Variants in PNMA8B observed in about 807,000 individuals in gnomAD.
PNMA8B encodes paraneoplastic antigen-like protein 8B.
For missense variants in PNMA8B, 887 were observed against 885.8 expected (o/e 1.00, Z -0.02); for synonymous variants, 386 against 394.9 (o/e 0.98, Z 0.27).
Position 46,494,048 on chromosome 19 carries a change from T to G in PNMA8B, c.1418A>C (p.Glu473Ala), listed in dbSNP as rs199560010. Reference protein sequence around the residue: ...VMKEEKENAWEGGKYKYPKGK... With the variant: ...VMKEEKENAWAGGKYKYPKGK... ...TTTGGGGTATTTGTACTTCCCGCCT[T>G]CCCAGGCGTTTTCTTTTTCCTCCTT... The change falls in exon 1 of 1, where the codon GAA (glutamate) becomes GCA (alanine). Residue 473 changes from glutamate to alanine, a missense_variant. Coordinates refer to ENST00000599531, the MANE Select transcript of PNMA8B (RefSeq NM_020709.3). The G allele has an allele frequency of 4.1e-4, 662 of 1,613,630 alleles. 5 individuals are homozygous for G. The South Asian group carries it at 6.0e-3, about 15-fold the overall frequency.
In PNMA8B at chr19:46,493,460, T is replaced by C; in HGVS notation, c.*98A>G. On this transcript the variant is annotated 3_prime_UTR_variant, in exon 1 of 1. Coordinates refer to ENST00000599531, the MANE Select transcript of PNMA8B (RefSeq NM_020709.3). This position sits in a 1 kb window ranked among gnomAD's most constrained non-coding sequence, Gnocchi z 5.3. The stretch of plus-strand genomic sequence containing the variant: ...CGCTGTGAAGCGAGGAGATTGCGTC[T>C]GCGGAGGACAGGAAGAGGGGAGGGG... 19 of 711,784 alleles carry C rather than the reference T, an allele frequency of 2.7e-5. No individual in the cohort carries two copies. The highest frequency in any genetic ancestry group is 3.6e-5 in the Non-Finnish European group (19 of 533,032). The allele number at this position is 711,784 out of a possible 1,614,324, so 44.1% of individuals were successfully genotyped here.
Position 46,494,096 on chromosome 19 carries a change from G to A in PNMA8B, c.1370C>T (p.Ala457Val), listed in dbSNP as rs1434368613. 1.2e-6 allele frequency: 2 copies of A among 1,612,464 alleles called. No individual in the cohort carries two copies. The highest frequency in any genetic ancestry group is 1.7e-6 in the Non-Finnish European group (2 of 1,179,858). Residue 457 changes from alanine (A) to valine (V), a missense_variant, in exon 1 of 1, where the codon GCC (alanine) becomes GTC (valine). Ala to Val is a moderately conservative substitution (Grantham distance 64, BLOSUM62 0). Coordinates refer to ENST00000599531, the MANE Select transcript of PNMA8B (RefSeq NM_020709.3). The stretch of plus-strand genomic sequence containing the variant: ...CTTCATCACCTCCGCCATGTCCTGG[G>A]CAGCCAGGAGCGCCACCAGCTCCAG... ...GLLELVALLAAQDMAEVMKEE... is the reference protein window; with the variant it reads ...GLLELVALLAVQDMAEVMKEE...
At position 46,494,852 on chromosome 19, in the gene PNMA8B, A is replaced by T; in HGVS notation, c.614T>A (p.Val205Glu). Residue 205 changes from valine to glutamate, a missense_variant, in exon 1 of 1, where the codon GTG (valine) becomes GAG (glutamate). Physicochemically the swap from Val to Glu is moderately radical, Grantham distance 121. Coordinates refer to ENST00000599531, the MANE Select transcript of PNMA8B (RefSeq NM_020709.3). ...EDSSDESLGIVIEEIDQGDLS... is the reference protein window; with the variant it reads ...EDSSDESLGIEIEEIDQGDLS... ...GTCGCCCTGGTCGATCTCCTCGATC[A>T]CGATGCCCAGGCTCTCGTCGGAAGA... The T allele has an allele frequency of 6.2e-7, 1 of 1,613,330 alleles. No homozygotes were observed. The highest frequency in any genetic ancestry group is 8.5e-7 in the Non-Finnish European group (1 of 1,179,890).
chr19:46,491,612 G>C lies in PNMA8B; in HGVS notation c.*1946C>G, dbSNP rs975851534. ...GGGCTTCGGAGCTGAGGCTGGAAGT[G>C]GGGAGGCATCAGGGGTGGGAGTGGA... On this transcript the variant is annotated 3_prime_UTR_variant, in exon 1 of 1. Transcript: ENST00000599531. 6.6e-6 allele frequency: 1 copy of C among 152,598 alleles called. No individual in the cohort carries two copies. The highest frequency in any genetic ancestry group is 1.5e-5 in the Non-Finnish European group (1 of 68,428). 9.5% of individuals were successfully genotyped at this position (152,598 alleles called of 1,614,324 possible). A position where few individuals can be genotyped will look rare whatever the true frequency, so the allele number is the denominator to read the frequency against.
rs1478130572 is a variant in PNMA8B, at chr19:46,493,609, C to A, written c.1857G>T (p.Ala619=). The change falls in exon 1 of 1, where the codon GCG becomes GCT. Residue 619 remains alanine (A), a synonymous_variant. Coordinates refer to ENST00000599531, the MANE Select transcript of PNMA8B (RefSeq NM_020709.3). The surrounding 1 kb of genome is among the most constrained non-coding windows in gnomAD (Gnocchi z 5.3). ...GGCCCCGACGGGCCTTCTTCCCGCGCGCGGCCTTGGATCCAGTGGGCGCCT... is the reference window on the plus strand; with the variant it reads ...GGCCCCGACGGGCCTTCTTCCCGCGAGCGGCCTTGGATCCAGTGGGCGCCT... ...KGQAPTGSKA[A]RGKKARRGRR... is the part of the protein sequence containing the mutation. 6.7e-7 allele frequency: 1 copy of A among 1,492,686 alleles called. No homozygotes were observed. The highest frequency in any genetic ancestry group is 8.8e-7 in the Non-Finnish European group (1 of 1,132,324). 92.5% of individuals were successfully genotyped at this position (1,492,686 alleles called of 1,614,324 possible).
rs748907590 is a variant in PNMA8B, at chr19:46,495,306, T to G, written c.160A>C (p.Met54Leu). 11 of 1,382,810 alleles carry G rather than the reference T, an allele frequency of 8.0e-6. No homozygotes were observed. Among genetic ancestry groups the G allele is most frequent in the African/African-American group, 2.8e-5 (2 of 70,470 alleles). The allele number at this position is 1,382,810 out of a possible 1,614,324, so 85.7% of individuals were successfully genotyped here. A position where few individuals can be genotyped will look rare whatever the true frequency, so the allele number is the denominator to read the frequency against. The change falls in exon 1 of 1, where the codon ATG (methionine) becomes CTG (leucine). Residue 54 changes from methionine to leucine, a missense_variant. Coordinates refer to ENST00000599531, the MANE Select transcript of PNMA8B (RefSeq NM_020709.3). The part of the protein sequence containing the change: ...LPLGTFRLRH[M>L]KALMNEKAQA... The stretch of plus-strand genomic sequence containing the variant: ...GCCTTCTCGTTCATCAAAGCCTTCA[T>G]GTGTCGCAACCTGAACGTGCCCAGG...
In PNMA8B at chr19:46,491,417, ATG is replaced by A. The variant is rs1970000816; in HGVS notation, c.*2139_*2140del. 6.6e-6 allele frequency: 1 copy of A among 152,306 alleles called. No homozygotes were observed. The highest frequency in any genetic ancestry group is 1.5e-5 in the Non-Finnish European group (1 of 68,270). 9.4% of individuals were successfully genotyped at this position (152,306 alleles called of 1,614,324 possible). On this transcript the variant is annotated 3_prime_UTR_variant, in exon 1 of 1. Coordinates refer to ENST00000599531, the MANE Select transcript of PNMA8B (RefSeq NM_020709.3). ...GCCATGTATGGTGGGGGGACACAGG[ATG>A]GAGGGAGGCAGAAAACTCAGGTAGG...
At position 46,494,548 on chromosome 19, in the gene PNMA8B, C is replaced by A. The variant is rs1435195802; in HGVS notation, c.918G>T (p.Pro306=). The A allele has an allele frequency of 1.2e-6, 2 of 1,614,074 alleles. No individual in the cohort carries two copies. Among genetic ancestry groups the A allele is most frequent in the Admixed American group, 3.3e-5 (2 of 60,032 alleles). The part of the protein sequence containing the change: ...LAVRDTPDEE[P]VDSDTSESDS... ...CGCTCTCCGAAGTGTCGCTGTCCAC[C>A]GGCTCCTCGTCCGGGGTGTCTCTCA... The change falls in exon 1 of 1, where the codon CCG becomes CCT. Residue 306 remains proline (P), a synonymous_variant. Coordinates refer to ENST00000599531, the MANE Select transcript of PNMA8B (RefSeq NM_020709.3).
rs1393408935 is a variant in PNMA8B, at chr19:46,494,285, C to G, written c.1181G>C (p.Gly394Ala). The G allele has an allele frequency of 1.2e-6, 2 of 1,611,430 alleles. No individual in the cohort carries two copies. The highest frequency in any genetic ancestry group is 2.2e-5 in the East Asian group (1 of 44,852). Residue 394 changes from glycine (G) to alanine (A), a missense_variant, in exon 1 of 1, where the codon GGC becomes GCC. By Grantham distance (60) the Gly-to-Ala change is moderately conservative (BLOSUM62 0). Transcript: ENST00000599531. ...CAGGACCACGGCGTCCACCTCGCGG[C>G]CCGCCTCTTCCACCTTCACGCGGGT... ...NGTRVKVEEA[G>A]REVDAVVLRK... is the part of the protein sequence containing the mutation.
chr19:46,494,418 TC>T lies in PNMA8B; in HGVS notation c.1047del (p.Met350CysfsTer2), dbSNP rs879469067. Reference protein sequence around the residue: ...TDPSDPWAREEMLKIASVIES... With the variant: ...TDPSDPWAREXMLKIASVIES... ...TCGATAACAGAAGCGATTTTCAACA[TC>T]TCCTCCCGGGCCCAGGGGTCCGACG... On this transcript the variant is annotated frameshift_variant, in exon 1 of 1. Coordinates refer to ENST00000599531, the MANE Select transcript of PNMA8B (RefSeq NM_020709.3). LOFTEE classifies it low-confidence loss of function (END_TRUNC). 6 of 1,613,674 alleles carry T rather than the reference TC, an allele frequency of 3.7e-6. No homozygotes were observed. Among genetic ancestry groups the T allele is most frequent in the Non-Finnish European group, 5.1e-6 (6 of 1,179,888 alleles).
Position 46,494,774 on chromosome 19 carries a change from G to A in PNMA8B, c.692C>T (p.Ala231Val), listed in dbSNP as rs146376571. The A allele has an allele frequency of 1.2e-6, 2 of 1,613,578 alleles. No homozygotes were observed. Among genetic ancestry groups the A allele is most frequent in the African/African-American group, 2.7e-5 (2 of 74,944 alleles). ...SALYATLQAA[A>V]RELVRQWAPC... ...CGCCCACTGCCTAACCAGCTCCCTGGCAGCGGCCTGCAGCGTGGCGTACAG... is the reference window on the plus strand; with the variant it reads ...CGCCCACTGCCTAACCAGCTCCCTGACAGCGGCCTGCAGCGTGGCGTACAG... The change falls in exon 1 of 1, where the codon GCC (alanine) becomes GTC (valine). Residue 231 changes from alanine (A) to valine (V), a missense_variant. By Grantham distance (64) the Ala-to-Val change is moderately conservative. Transcript: ENST00000599531.
At position 46,494,821 on chromosome 19, in the gene PNMA8B, G is replaced by A; in HGVS notation, c.645C>T (p.Ser215=). The change falls in exon 1 of 1, where the codon AGC becomes AGT. Residue 215 remains serine (S), a synonymous_variant. Transcript: ENST00000599531. The part of the protein sequence containing the change: ...VIEEIDQGDL[S]GEEDQSALYA... ...ACAGCGCGCTCTGGTCCTCTTCTCC[G>A]CTCAGGTCGCCCTGGTCGATCTCCT... 6.2e-7 allele frequency: 1 copy of A among 1,613,464 alleles called. No individual in the cohort carries two copies.
Position 46,493,687 on chromosome 19 carries a change from C to A in PNMA8B, c.1779G>T (p.Lys593Asn). ...GGGCCCCGGCGCCCGCGCTCCCCTT[C>A]TTCTTCCTGCTTCCTGCGGCGTCGT... Reference protein sequence around the residue: ...AQDDAAGSRKKKGSAGAGAHA... With the variant: ...AQDDAAGSRKNKGSAGAGAHA... Residue 593 changes from lysine to asparagine, a missense_variant, in exon 1 of 1, where the codon AAG (lysine) becomes AAT (asparagine). Transcript: ENST00000599531. This position sits in a 1 kb window ranked among gnomAD's most constrained non-coding sequence, Gnocchi z 5.3. 6.5e-7 allele frequency: 1 copy of A among 1,533,966 alleles called. No homozygotes were observed. The highest frequency in any genetic ancestry group is 1.9e-5 in the Admixed American group (1 of 52,904).
chr19:46,495,595 G>T lies in PNMA8B; in HGVS notation c.-130C>A. ...TTAGAGTCCCGGTTCCGGTGAATGT[G>T]GCAAGGCTGGAGTGGGGCTCGGGGC... On this transcript the variant is annotated 5_prime_UTR_variant, in exon 1 of 1. Coordinates refer to ENST00000599531, the MANE Select transcript of PNMA8B (RefSeq NM_020709.3). 7.9e-7 allele frequency: 1 copy of T among 1,270,232 alleles called. No homozygotes were observed. The highest frequency in any genetic ancestry group is 1.6e-5 in the South Asian group (1 of 62,002). The allele number at this position is 1,270,232 out of a possible 1,614,324, so 78.7% of individuals were successfully genotyped here.
Position 46,493,758 on chromosome 19 carries a change from C to A in PNMA8B, c.1708G>T (p.Gly570Cys). ...TRAGGRGRGR[G>C]VTPEKKAGSR... ...CCGGCTTTCTTCTCGGGAGTGACGC[C>A]CCGGCCTCGGCCTCGGCCGCCCGCG... Residue 570 changes from glycine (G) to cysteine (C), a missense_variant, in exon 1 of 1, where the codon GGC (glycine) becomes TGC (cysteine). Gly to Cys is a radical substitution (Grantham distance 159). Coordinates refer to ENST00000599531, the MANE Select transcript of PNMA8B (RefSeq NM_020709.3). This position sits in a 1 kb window ranked among gnomAD's most constrained non-coding sequence, Gnocchi z 5.3. 1.4e-6 allele frequency: 2 copies of A among 1,434,430 alleles called. No individual in the cohort carries two copies. Among genetic ancestry groups the A allele is most frequent in the Non-Finnish European group, 1.8e-6 (2 of 1,099,906 alleles). 88.9% of individuals were successfully genotyped at this position (1,434,430 alleles called of 1,614,324 possible).
Position 46,494,251 on chromosome 19 carries a change from G to T in PNMA8B, c.1215C>A (p.Ala405=). The change falls in exon 1 of 1, where the codon GCC becomes GCA. Residue 405 remains alanine (A), a synonymous_variant. Transcript: ENST00000599531. ...REVDAVVLRK[A]GDDGDLRECI... ...ACTCCCGGAGGTCCCCGTCATCCCCGGCCTTGCGCAGGACCACGGCGTCCA... is the reference window on the plus strand; with the variant it reads ...ACTCCCGGAGGTCCCCGTCATCCCCTGCCTTGCGCAGGACCACGGCGTCCA... 6.2e-7 allele frequency: 1 copy of T among 1,609,572 alleles called. No individual in the cohort carries two copies. Among genetic ancestry groups the T allele is most frequent in the Non-Finnish European group, 8.5e-7 (1 of 1,179,580 alleles).
rs1159480212 is a variant in PNMA8B at position 46,493,959 on chromosome 19, AC to A, written c.1506del (p.Ser503ArgfsTer43). On this transcript the variant is annotated frameshift_variant, in exon 1 of 1. Coordinates refer to ENST00000599531, the MANE Select transcript of PNMA8B (RefSeq NM_020709.3). LOFTEE classifies it low-confidence loss of function (END_TRUNC). The surrounding 1 kb of genome is among the most constrained non-coding windows in gnomAD (Gnocchi z 5.3). ...AARENMGSNE[G>X]SEEASDEQSE... ...GACTGTTCGTCCGAAGCCTCCTCCGACCCCTCGTTGGACCCCATGTTCTCCC... is the reference window on the plus strand; with the variant it reads ...GACTGTTCGTCCGAAGCCTCCTCCGACCCTCGTTGGACCCCATGTTCTCCC... The A allele has an allele frequency of 1.9e-6, 3 of 1,608,000 alleles. No homozygotes were observed. In the African/African-American group the frequency reaches 4.1e-5, roughly 22 times the overall value.
In PNMA8B at chr19:46,493,497, C is replaced by T; in HGVS notation, c.*61G>A. The T allele has an allele frequency of 9.2e-7, 1 of 1,087,742 alleles. No homozygotes were observed. The highest frequency in any genetic ancestry group is 1.2e-6 in the Non-Finnish European group (1 of 840,156). The allele number at this position is 1,087,742 out of a possible 1,614,324, so 67.4% of individuals were successfully genotyped here. A position where few individuals can be genotyped will look rare whatever the true frequency, so the allele number is the denominator to read the frequency against. On this transcript the variant is annotated 3_prime_UTR_variant, in exon 1 of 1. Transcript: ENST00000599531. The surrounding 1 kb of genome is among the most constrained non-coding windows in gnomAD (Gnocchi z 5.3). ...GAAGAGGGGAGGGGAGGGCGGGGGCCACAGGCGGGCGGGTGCCCTGCGGGG... is the reference window on the plus strand; with the variant it reads ...GAAGAGGGGAGGGGAGGGCGGGGGCTACAGGCGGGCGGGTGCCCTGCGGGG...
chr19:46,493,759 C>G lies in PNMA8B; in HGVS notation c.1707G>C (p.Arg569=), dbSNP rs913751532. 2 of 1,408,458 alleles carry G rather than the reference C, an allele frequency of 1.4e-6. No individual in the cohort carries two copies. Among genetic ancestry groups the G allele is most frequent in the Non-Finnish European group, 1.8e-6 (2 of 1,085,652 alleles). The allele number at this position is 1,408,458 out of a possible 1,614,324, so 87.2% of individuals were successfully genotyped here. A position where few individuals can be genotyped will look rare whatever the true frequency, so the allele number is the denominator to read the frequency against. The part of the protein sequence containing the change: ...KTRAGGRGRG[R]GVTPEKKAGS... ...CGGCTTTCTTCTCGGGAGTGACGCC[C>G]CGGCCTCGGCCTCGGCCGCCCGCGC... The change falls in exon 1 of 1, where the codon CGG becomes CGC. Residue 569 remains arginine (R), a synonymous_variant. Transcript: ENST00000599531. This position sits in a 1 kb window ranked among gnomAD's most constrained non-coding sequence, Gnocchi z 5.3.
Sources: gnomAD v4.1 joint callset for allele counts on GRCh38, gnomAD v4.1.1 for gene constraint, Gnocchi (gnomAD v3.1) non-coding constraint, MANE v1.5 for transcripts, NCBI Gene and HGNC (gene_info 2026-07-23, HGNC 2026-07-21) for gene names.